Variants in UBE3D observed in about 807,000 individuals in gnomAD.
UBE3D encodes ubiquitin protein ligase E3D.
UBE3D carries 48 observed loss-of-function variants against 49.6 expected under a neutral mutation model. The observed-to-expected ratio is 0.97, with a 90% CI of 0.77 to 1.23. The LOEUF (loss-of-function observed/expected upper bound fraction) is 1.23, where lower values mean the gene tolerates loss of function less well. Ranked by LOEUF, UBE3D falls within the 50% of genes most tolerant of loss-of-function variation. UBE3D has a pLI of 0.00. For missense variants in UBE3D, 452 were observed against 468.4 expected (o/e 0.96, Z 0.32); for synonymous variants, 189 against 174.2 (o/e 1.08, Z -0.67).
In UBE3D at chr6:82,922,327, C is replaced by T. The variant is rs1013286933; in HGVS notation, c.1150-29285G>A. Among the ~76,000 whole-genome samples, 7 of 152,128 alleles carry T rather than the reference C, an allele frequency of 4.6e-5. No individual in the cohort carries two copies. The East Asian group carries it at 7.7e-4, about 17-fold the overall frequency. ...GTTTTACAAATGAATTTTATGAAAC[C>T]GGTAATTTCAATCTTATATAAAGTC... On this transcript the variant is annotated intron_variant, in intron 9 of 9. Transcript: ENST00000369747.
chr6:82,926,363 A>G (rs1196577145), intron 9 of UBE3D, among the ~76,000 whole-genome samples: 1 of 152,130 alleles, frequency 6.6e-6, no homozygotes, highest in Non-Finnish European at 1.5e-5. Context: ...CCATTCACCT[A>G]TAGAAGAGAC....
rs2127820435 is a variant in UBE3D at position 83,044,499 on chromosome 6, A to G, written c.526T>C (p.Leu176=). 2.5e-6 allele frequency: 4 copies of G among 1,614,118 alleles called. No homozygotes were observed. The highest frequency in any genetic ancestry group is 3.4e-6 in the Non-Finnish European group (4 of 1,179,988). The change falls in exon 4 of 10, where the codon TTG becomes CTG. Residue 176 remains leucine (L), a synonymous_variant. Coordinates refer to ENST00000369747, the MANE Select transcript of UBE3D (RefSeq NM_198920.3). ...GATAGTTCAGGTCTTTGCTGCCACAAACTGGTTCTTAAATTCACCAAGAAG... is the reference window on the plus strand; with the variant it reads ...GATAGTTCAGGTCTTTGCTGCCACAGACTGGTTCTTAAATTCACCAAGAAG... ...SFFLVNLRTS[L]WQQRPELSPV...
intron 9 of UBE3D, among the ~76,000 whole-genome samples, chr6:82,902,966 G>A (rs1771843857): frequency 6.6e-6 from 1 of 152,140 alleles, no homozygotes; most frequent in South Asian, 2.1e-4. Flanking sequence ...TTTTGATCAT[G>A]GCTGTAAGCT....
the UBE3D span, among the ~76,000 whole-genome samples, chr6:82,885,354 A>G: frequency 6.6e-6 from 1 of 152,172 alleles, no homozygotes; most frequent in Non-Finnish European, 1.5e-5. Flanking sequence ...ACTTCAGAAA[A>G]TCAATTCCAT....
intron 8 of UBE3D, among the ~76,000 whole-genome samples, chr6:82,992,327 A>G (rs1030127599): frequency 6.7e-6 from 1 of 150,078 alleles, no homozygotes; most frequent in South Asian, 2.1e-4. Flanking sequence ...GGTTCAAGCA[A>G]TTCTCCCGCC....
intron 8 of UBE3D, among the ~76,000 whole-genome samples, chr6:83,006,471 G>A (rs890197954): frequency 6.6e-6 from 1 of 152,126 alleles, no homozygotes; most frequent in African/African-American, 2.4e-5. Context: ...AGAAGAGGAA[G>A]AGACACAGGA....
At chr6:82,908,074 A>G (rs2127723232) in intron 9 of UBE3D, among the ~76,000 whole-genome samples, 1 of 152,322 alleles carries the variant, frequency 6.6e-6, no homozygotes, top group South Asian at 2.1e-4. Context: ...TTAAAGTGGG[A>G]GGTCGAGACA....
At chr6:82,959,715 T>TC (rs1240094016) in intron 8 of UBE3D, among the ~76,000 whole-genome samples, 12 of 66,138 alleles carry the variant, frequency 1.8e-4, no homozygotes, top group Non-Finnish European at 2.9e-4. Flanking sequence ...CAGTGAGACC[T>TC]CCAAAAAAAA....
chr6:82,947,272 A>T (rs1775475133), intron 9 of UBE3D, among the ~76,000 whole-genome samples: 1 of 151,978 alleles, frequency 6.6e-6, no homozygotes. Context: ...ATATATGTGC[A>T]CCCAAAACTG....
At chr6:83,018,832 A>G in intron 8 of UBE3D, 141 bp downstream of exon 8, 1 of 869,998 alleles carries the variant, frequency 1.1e-6, no homozygotes, top group South Asian at 1.7e-5. Flanking sequence ...TTTTAAACAT[A>G]TAATATTTAG....
At chr6:82,938,177 C>CT (rs1414967456) in intron 9 of UBE3D, 1 of 152,218 alleles carries the variant, frequency 6.6e-6, no homozygotes, top group East Asian at 1.9e-4. Context: ...TGTGCCTCTA[C>CT]TTTAAACGAA....
chr6:82,987,441 C>A (rs1455371620), intron 8 of UBE3D, among the ~76,000 whole-genome samples: 1 of 152,168 alleles, frequency 6.6e-6, no homozygotes, highest in Non-Finnish European at 1.5e-5. Flanking sequence ...AATTCCTGTG[C>A]CTCTAATTGC....
intron 8 of UBE3D, among the ~76,000 whole-genome samples, chr6:83,016,989 C>T (rs1204173533): frequency 6.6e-6 from 1 of 152,186 alleles, no homozygotes; most frequent in Non-Finnish European, 1.5e-5. Context: ...GTCTGCCTTT[C>T]CCAGCCCACT....
chr6:82,982,389 G>T (rs867007779), intron 8 of UBE3D, among the ~76,000 whole-genome samples: 1 of 152,072 alleles, frequency 6.6e-6, no homozygotes, highest in Non-Finnish European at 1.5e-5. Context: ...TTTTCTTTGA[G>T]ATCCAAATAA....
At chr6:82,999,077 C>T (rs11751753) in intron 8 of UBE3D, among the ~76,000 whole-genome samples, 133,269 of 152,218 alleles carry the variant, frequency 0.88, 58,413 homozygotes, top group East Asian at 0.96. Flanking sequence ...AATCTGCAAC[C>T]GTCCACTACC....
chr6:83,000,309 A>T (rs547491481), intron 8 of UBE3D, among the ~76,000 whole-genome samples: 2 of 152,316 alleles, frequency 1.3e-5, no homozygotes, highest in East Asian at 1.9e-4. Flanking sequence ...CAAACTCAAC[A>T]TGTATAAAAG....
chr6:83,060,330 T>A (rs1184477059), intron 1 of UBE3D, among the ~76,000 whole-genome samples: 1 of 152,158 alleles, frequency 6.6e-6, no homozygotes, highest in Non-Finnish European at 1.5e-5. Context: ...TGATTCTCAC[T>A]GTGGGAGAAT....
chr6:83,008,708 C>T (rs77866806), intron 8 of UBE3D, among the ~76,000 whole-genome samples: 1 of 152,248 alleles, frequency 6.6e-6, no homozygotes, highest in East Asian at 1.9e-4. Context: ...GCCAATTGGA[C>T]TAAAATAGTT....
chr6:83,040,186 C>T (rs1782561498), intron 4 of UBE3D, among the ~76,000 whole-genome samples: 1 of 151,962 alleles, frequency 6.6e-6, no homozygotes, highest in African/African-American at 2.4e-5. Flanking sequence ...AGTTTGAGAC[C>T]AGCCTGACCA....
Sources: allele counts gnomAD v4.1 joint callset (sites outside exome capture counted in the v4.1 genomes callset), GRCh38; gene constraint gnomAD v4.1.1; transcripts MANE v1.5; gene names NCBI Gene and HGNC (gene_info 2026-07-23, HGNC 2026-07-21).